The following ARHGAP35 variants were observed in gnomAD, a reference collection of about 807,000 sequenced individuals.
ARHGAP35 encodes the protein Rho GTPase activating protein 35, also known as rho GTPase-activating protein 35.
Under a neutral mutation model 111.1 loss-of-function variants are expected in ARHGAP35, and 15 were observed. The observed-to-expected ratio is 0.13, with a 90% CI of 0.09 to 0.21. ARHGAP35 has a LOEUF of 0.21. ARHGAP35 is among the 10% of genes least tolerant of loss of function. ARHGAP35 has a pLI of 1.00. For synonymous variants in ARHGAP35, 643 were observed against 710.3 expected, an observed-to-expected ratio of 0.91 and a Z score of 1.51; for missense variants, 1,262 against 1,873.0, an observed-to-expected ratio of 0.67 and a Z score of 6.02.
chr19:46,884,599 C>T (rs1300795249), intron 1 of ARHGAP35, among the ~76,000 whole-genome samples: 1 of 149,814 alleles, frequency 6.7e-6, no homozygotes, highest in African/African-American at 2.5e-5. Context: ...TTCCTGGGCT[C>T]AGATGATCCA....
At chr19:46,954,724 A>G (rs575389975) in intron 3 of ARHGAP35, among the ~76,000 whole-genome samples, 1 of 152,398 alleles carries the variant, frequency 6.6e-6, no homozygotes, top group South Asian at 2.1e-4. Flanking sequence ...AAAAACAAAC[A>G]AACTCACACA....
intron 3 of ARHGAP35, among the ~76,000 whole-genome samples, chr19:46,954,332 A>C (rs982854424): frequency 6.6e-6 from 1 of 152,220 alleles, no homozygotes; most frequent in African/African-American, 2.4e-5. Flanking sequence ...TTCCTGATTC[A>C]TGTGTCCCCA....
chr19:46,975,695 A>G (rs2056576138), intron 3 of ARHGAP35, among the ~76,000 whole-genome samples: 1 of 152,178 alleles, frequency 6.6e-6, no homozygotes. Flanking sequence ...CTTTAGGCTG[A>G]TGAAGCTGTG....
intron 3 of ARHGAP35, among the ~76,000 whole-genome samples, chr19:46,987,555 C>T (rs1037168787): frequency 1.3e-5 from 2 of 152,138 alleles, no homozygotes; most frequent in Non-Finnish European, 2.9e-5. Flanking sequence ...TTACAGTGAT[C>T]ATATACTTTG....
chr19:46,987,912 C>G lies in ARHGAP35; in HGVS notation c.3827-77C>G, dbSNP rs1599867805. On this transcript the variant is annotated intron_variant, in intron 3 of 6. Transcript: ENST00000672722. ...CCTCATGGACTTTCCCTGGCTTTCTCCTTGTCTTCGAGCCCAGCCCTCCTC... is the reference window on the plus strand; with the variant it reads ...CCTCATGGACTTTCCCTGGCTTTCTGCTTGTCTTCGAGCCCAGCCCTCCTC... 5 of 1,444,096 alleles carry G rather than the reference C, an allele frequency of 3.5e-6. No individual in the cohort carries two copies. The Admixed American group carries it at 5.7e-5, about 16-fold the overall frequency. The allele number at this position is 1,444,096 out of a possible 1,614,324, so 89.5% of individuals were successfully genotyped here.
chr19:46,972,140 C>T (rs947111087), intron 3 of ARHGAP35, among the ~76,000 whole-genome samples: 1 of 152,216 alleles, frequency 6.6e-6, no homozygotes, highest in African/African-American at 2.4e-5. Flanking sequence ...TCCTGAGTAG[C>T]TGGGCCTACA....
At position 46,905,319 on chromosome 19, in the gene ARHGAP35, G is replaced by C. The variant is rs2056101139; in HGVS notation, c.-188-13169G>C. 2.6e-5 allele frequency among the ~76,000 whole-genome samples: 4 copies of C among 152,090 alleles called. 1 individual carries two copies. Reference sequence around the variant, plus strand: ...GAGGCGGGTGGATCAGGAGATCGAGGCCAGCCTGGCCAAGACTGTGAAACC... The same window carrying C: ...GAGGCGGGTGGATCAGGAGATCGAGCCCAGCCTGGCCAAGACTGTGAAACC... On this transcript the variant is annotated intron_variant, in intron 1 of 6. Coordinates refer to ENST00000672722, the MANE Select transcript of ARHGAP35 (RefSeq NM_004491.5).
chr19:46,910,186 C>G (rs1330933252), intron 1 of ARHGAP35, among the ~76,000 whole-genome samples: 1 of 152,138 alleles, frequency 6.6e-6, no homozygotes, highest in Non-Finnish European at 1.5e-5. Context: ...GATCATAGAT[C>G]ACTGTAACCT....
intron 5 of ARHGAP35, among the ~76,000 whole-genome samples, chr19:46,998,840 GA>G (rs2056730160): frequency 6.6e-6 from 1 of 152,240 alleles, no homozygotes; most frequent in South Asian, 2.1e-4. Context: ...GTGTCTCTAG[GA>G]AAAGGACAGA....
At chr19:46,905,841 TGTGCCCA>T (rs2056104860) in intron 1 of ARHGAP35, among the ~76,000 whole-genome samples, 2 of 150,848 alleles carry the variant, frequency 1.3e-5, no homozygotes, top group Non-Finnish European at 3.0e-5. Flanking sequence ...CGTGAGCCAC[TGTGCCCA>T]GCTAATTTTG....
intron 2 of ARHGAP35, among the ~76,000 whole-genome samples, chr19:46,929,419 G>T (rs928707467): frequency 6.6e-6 from 1 of 151,974 alleles, no homozygotes; most frequent in African/African-American, 2.4e-5. Flanking sequence ...GAATCTTTCC[G>T]ATTTTCTAAG....
intron 3 of ARHGAP35, among the ~76,000 whole-genome samples, chr19:46,982,129 G>A (rs1444994178): frequency 1.3e-5 from 2 of 151,960 alleles, no homozygotes; most frequent in Non-Finnish European, 1.5e-5. Flanking sequence ...ATTATAGGCG[G>A]GAACCATCAC....
rs372618630 is a variant in ARHGAP35, at chr19:46,899,264, G to A, written c.-188-19224G>A. ...GGGATAGCCAGAGTGGTGGTGTGGA[G>A]GCAGGAATGCTCATGGCATGTTCAG... is the stretch of plus-strand genomic sequence containing the variant. On this transcript the variant is annotated intron_variant, in intron 1 of 6. Coordinates refer to ENST00000672722, the MANE Select transcript of ARHGAP35 (RefSeq NM_004491.5). Among the ~76,000 whole-genome samples, 8 of 152,284 alleles carry A rather than the reference G, an allele frequency of 5.3e-5. No homozygotes were observed. The East Asian group carries it at 1.3e-3, about 26-fold the overall frequency.
At chr19:46,893,398 G>A (rs755710902) in intron 1 of ARHGAP35, among the ~76,000 whole-genome samples, 4 of 152,058 alleles carry the variant, frequency 2.6e-5, no homozygotes, top group African/African-American at 4.8e-5. Context: ...TCTAGGTCCT[G>A]GGAATATAGT....
rs1445114753 is a variant in ARHGAP35 at position 46,983,603 on chromosome 19, A to G, written c.3827-4386A>G. Among the ~76,000 whole-genome samples the G allele has an allele frequency of 8.1e-5, 9 of 111,300 alleles. No homozygotes were observed. The South Asian group carries it at 2.2e-3, about 28-fold the overall frequency. The allele number at this position is 111,300 out of a possible 152,430, so 73.0% of individuals were successfully genotyped here. Reference sequence around the variant, plus strand: ...GAATATTTGCCATTCTGTAATGTCCATTCTTTTTTTTTTTTTTTTTTTTTT... The same window carrying G: ...GAATATTTGCCATTCTGTAATGTCCGTTCTTTTTTTTTTTTTTTTTTTTTT... On this transcript the variant is annotated intron_variant, in intron 3 of 6. Transcript: ENST00000672722.
At chr19:46,879,068 A>C (rs745643831) in intron 1 of ARHGAP35, among the ~76,000 whole-genome samples, 2 of 152,214 alleles carry the variant, frequency 1.3e-5, no homozygotes, top group African/African-American at 4.8e-5. Context: ...CCCTGCTGCT[A>C]CTTTATCAGC....
intron 1 of ARHGAP35, among the ~76,000 whole-genome samples, chr19:46,892,385 G>A (rs2122154239): frequency 6.7e-6 from 1 of 149,974 alleles, no homozygotes; most frequent in South Asian, 2.1e-4. Flanking sequence ...TGAGGTGGGA[G>A]GATCACTGGA....
At chr19:46,954,100 G>C (rs2056426538) in intron 3 of ARHGAP35, among the ~76,000 whole-genome samples, 1 of 152,200 alleles carries the variant, frequency 6.6e-6, no homozygotes, top group African/African-American at 2.4e-5. Flanking sequence ...GAAGGCAGCT[G>C]TCTGTATGTA....
At chr19:46,960,925 A>C (rs1341457054) in intron 3 of ARHGAP35, among the ~76,000 whole-genome samples, 2 of 142,314 alleles carry the variant, frequency 1.4e-5, no homozygotes, top group Non-Finnish European at 1.5e-5. Flanking sequence ...ACGAAGTCTC[A>C]CTCCTGTCCC....
Sources: allele counts gnomAD v4.1 joint callset (sites outside exome capture counted in the v4.1 genomes callset), GRCh38; gene constraint gnomAD v4.1.1; transcripts MANE v1.5; gene names NCBI Gene and HGNC (gene_info 2026-07-23, HGNC 2026-07-21).